TRIQK: variants seen among roughly 807,000 people sequenced by gnomAD.
The protein encoded by TRIQK is triple QxxK/R motif containing.
A neutral mutation model predicts 10.8 loss-of-function variants in TRIQK; 10 were observed. The ratio of observed to expected loss-of-function variants is 0.92; its 90% CI spans 0.57 to 1.57. The LOEUF (loss-of-function observed/expected upper bound fraction) is 1.57, where lower values mean the gene tolerates loss of function less well. TRIQK is among the 40% of genes most tolerant of loss of function. TRIQK has a pLI of 0.00. For missense variants in TRIQK, 107 were observed against 97.7 expected (o/e 1.09, Z -0.40); for synonymous variants, 33 against 33.7 (o/e 0.98, Z 0.07).
chr8:92,919,386 T>G (rs1437836371), intron 2 of TRIQK, among the ~76,000 whole-genome samples: 2 of 151,910 alleles, frequency 1.3e-5, no homozygotes, highest in African/African-American at 2.4e-5. Context: ...TTTCAGCATC[T>G]ACTGAAATAA....
chr8:92,960,405 A>G (rs1812398699), intron 1 of TRIQK: 1 of 152,150 alleles, frequency 6.6e-6, no homozygotes, highest in Non-Finnish European at 1.5e-5. Flanking sequence ...TACTGCCTCA[A>G]ATATAGATTT....
At chr8:92,939,461 C>T (rs1811160807) in intron 2 of TRIQK, among the ~76,000 whole-genome samples, 2 of 152,232 alleles carry the variant, frequency 1.3e-5, no homozygotes, top group East Asian at 1.9e-4. Flanking sequence ...GGAAGACTCC[C>T]AGCTTCATGG....
intron 1 of TRIQK, among the ~76,000 whole-genome samples, chr8:93,001,323 T>C (rs537424025): frequency 9.9e-4 from 139 of 140,772 alleles, no homozygotes; most frequent in African/African-American, 3.4e-3. Context: ...AAAAAAAAAA[T>C]GATATAGAGA....
chr8:92,998,275 T>C (rs983875777), intron 1 of TRIQK, among the ~76,000 whole-genome samples: 1 of 152,022 alleles, frequency 6.6e-6, no homozygotes, highest in African/African-American at 2.4e-5. Flanking sequence ...TTAACTCTCT[T>C]TTGTATTCAT....
intron 1 of TRIQK, among the ~76,000 whole-genome samples, chr8:92,957,643 C>T (rs1425959649): frequency 6.6e-6 from 1 of 151,824 alleles, no homozygotes; most frequent in South Asian, 2.1e-4. Flanking sequence ...TATAACTAAA[C>T]TTCTATCATC....
intron 1 of TRIQK, among the ~76,000 whole-genome samples, chr8:92,957,461 CTA>C (rs1435064897): frequency 6.6e-6 from 1 of 151,758 alleles, no homozygotes; most frequent in African/African-American, 2.4e-5. Context: ...ATCTGAGTAA[CTA>C]TTTTCATTAT....
At chr8:92,893,364 G>A (rs1163768601) in intron 3 of TRIQK, among the ~76,000 whole-genome samples, 1 of 151,918 alleles carries the variant, frequency 6.6e-6, no homozygotes, top group Non-Finnish European at 1.5e-5. Flanking sequence ...AAGGTATTTT[G>A]TTTTTAAAGG....
intron 1 of TRIQK, among the ~76,000 whole-genome samples, chr8:93,009,312 T>A (rs1025212438): frequency 1.3e-5 from 2 of 152,080 alleles, no homozygotes; most frequent in African/African-American, 4.8e-5. Context: ...GTGGCTGTTA[T>A]CAAAAAGACA....
chr8:92,892,718 C>T (rs1211142929), intron 3 of TRIQK, among the ~76,000 whole-genome samples: 2 of 151,890 alleles, frequency 1.3e-5, no homozygotes, highest in Non-Finnish European at 2.9e-5. Flanking sequence ...ATTTCTTCCA[C>T]ATTTCATAGC....
In TRIQK at chr8:92,883,906, C is replaced by T. The variant is rs1477327833; in HGVS notation, c.*2716G>A. Reference sequence around the variant, plus strand: ...GTTATATTTTTACAATACTGTATCTCATCTCAAATAAATTTATACATTCTT... The same window carrying T: ...GTTATATTTTTACAATACTGTATCTTATCTCAAATAAATTTATACATTCTT... On this transcript the variant is annotated 3_prime_UTR_variant, in exon 5 of 5. Transcript: ENST00000521988. 2 of 151,696 alleles carry T rather than the reference C, an allele frequency of 1.3e-5. No homozygotes were observed. Among genetic ancestry groups the T allele is most frequent in the African/African-American group, 4.8e-5 (2 of 41,390 alleles). 9.4% of individuals were successfully genotyped at this position (151,696 alleles called of 1,614,324 possible). A position where few individuals can be genotyped will look rare whatever the true frequency, so the allele number is the denominator to read the frequency against.
chr8:92,921,098 G>A (rs919245065), intron 2 of TRIQK, among the ~76,000 whole-genome samples: 15 of 151,668 alleles, frequency 9.9e-5, no homozygotes, highest in African/African-American at 3.6e-4. Flanking sequence ...TTATAAATGG[G>A]AATGATTATT....
At chr8:92,993,852 G>A (rs1306054353) in intron 1 of TRIQK, among the ~76,000 whole-genome samples, 3 of 152,082 alleles carry the variant, frequency 2.0e-5, no homozygotes, top group African/African-American at 7.2e-5. Flanking sequence ...TCTTGTCCAG[G>A]GTATCAGAAA....
chr8:92,967,843 T>A (rs1400252392), upstream of TRIQK, among the ~76,000 whole-genome samples: 154 of 131,518 alleles, frequency 1.2e-3, 2 homozygotes, highest in Admixed American at 8.6e-3. Flanking sequence ...AAAAAAAAAA[T>A]TAGTTTTAGA....
At position 92,886,544 on chromosome 8, in the gene TRIQK, G is replaced by C; in HGVS notation, c.*78C>G. ...AGCAGAAAGAATTAAAGATGTTACA[G>C]TTTCAGTATTGAAAGTTTTGGTCCC... is the stretch of plus-strand genomic sequence containing the variant. On this transcript the variant is annotated 3_prime_UTR_variant, in exon 5 of 5. Coordinates refer to ENST00000521988, the MANE Select transcript of TRIQK (RefSeq NM_001171797.2). The C allele has an allele frequency of 1.3e-6, 1 of 749,190 alleles. No individual in the cohort carries two copies. 46.4% of individuals were successfully genotyped at this position (749,190 alleles called of 1,614,324 possible).
At chr8:92,978,181 T>G (rs948701096) in intron 1 of TRIQK, among the ~76,000 whole-genome samples, 2 of 152,150 alleles carry the variant, frequency 1.3e-5, no homozygotes, top group Non-Finnish European at 2.9e-5. Context: ...GCTTTGACTT[T>G]GCCAGACTCC....
rs1318936289 is a variant in TRIQK at position 92,975,734 on chromosome 8, TTTTAGTTAC to T, written c.-180-21179_-180-21171del. Among the ~76,000 whole-genome samples the T allele has an allele frequency of 2.6e-5, 4 of 152,034 alleles. No homozygotes were observed. The East Asian group carries it at 7.7e-4, about 29-fold the overall frequency. Reference sequence around the variant, plus strand: ...CTTTGGATTTAATTTGCTCTTCTTGTTTTAGTTACTTTAGATAGAGATTGAAGCCATTGA... The same window carrying T: ...CTTTGGATTTAATTTGCTCTTCTTGTTTTAGATAGAGATTGAAGCCATTGA... On this transcript the variant is annotated intron_variant, in intron 1 of 4. Coordinates refer to the TRIQK transcript ENST00000520686.
chr8:92,972,628 C>G (rs988426406), intron 1 of TRIQK: 10 of 152,298 alleles, frequency 6.6e-5, no homozygotes, highest in Non-Finnish European at 1.3e-4. Context: ...AGGAGGGTAA[C>G]AACACTATCT....
intron 1 of TRIQK, among the ~76,000 whole-genome samples, chr8:92,999,118 T>TA (rs929313705): frequency 6.6e-6 from 1 of 152,144 alleles, no homozygotes; most frequent in Non-Finnish European, 1.5e-5. Flanking sequence ...AACCAGACAT[T>TA]ATCTCCAACT....
At chr8:92,949,818 GA>G (rs1389706251) in intron 2 of TRIQK, among the ~76,000 whole-genome samples, 6 of 110,126 alleles carry the variant, frequency 5.4e-5, no homozygotes, top group Non-Finnish European at 1.1e-4. Flanking sequence ...AAGAAAGAAA[GA>G]AAGAAAGAAA....
Sources: gnomAD v4.1 joint callset for allele counts (sites outside exome capture counted in the v4.1 genomes callset) on GRCh38, gnomAD v4.1.1 for gene constraint, MANE v1.5 for transcripts, NCBI Gene and HGNC (gene_info 2026-07-23, HGNC 2026-07-21) for gene names.